The following TMEM132B variants were observed in gnomAD, a reference collection of about 807,000 sequenced individuals.
TMEM132B encodes transmembrane protein 132B.
A neutral mutation model predicts 90.8 loss-of-function variants in TMEM132B; 18 were observed. The ratio of observed to expected loss-of-function variants is 0.20; its 90% CI spans 0.14 to 0.29. The LOEUF (loss-of-function observed/expected upper bound fraction) is 0.29. Among genes scored for constraint, TMEM132B ranks in the 10% least tolerant of loss-of-function variants. The probability of loss-of-function intolerance (pLI) is 1.00; values close to 1 mark genes in which losing one functional copy is unlikely to be tolerated. For synonymous variants in TMEM132B, 504 were observed against 523.3 expected, an observed-to-expected ratio of 0.96 and a Z score of 0.50; for missense variants, 1,096 against 1,326.8, an observed-to-expected ratio of 0.83 and a Z score of 2.70.
intron 4 of TMEM132B, among the ~76,000 whole-genome samples, chr12:125,578,838 A>C (rs1884990081): frequency 6.6e-6 from 1 of 152,102 alleles, no homozygotes; most frequent in Non-Finnish European, 1.5e-5. Context: ...CTTGTATATA[A>C]TGAGGTATTT....
At chr12:125,510,893 T>G (rs188158282) in intron 3 of TMEM132B, among the ~76,000 whole-genome samples, 1 of 152,366 alleles carries the variant, frequency 6.6e-6, no homozygotes, top group East Asian at 1.9e-4. Flanking sequence ...TTCCTTCTAT[T>G]TAAAAACAAT....
chr12:125,550,810 C>A (rs1884209619), intron 4 of TMEM132B, among the ~76,000 whole-genome samples: 1 of 151,038 alleles, frequency 6.6e-6, no homozygotes, highest in Admixed American at 6.6e-5. Flanking sequence ...CGGAGTTTCA[C>A]TCTTGTTGCC....
intron 3 of TMEM132B, among the ~76,000 whole-genome samples, chr12:125,448,877 G>C (rs1881074754): frequency 6.6e-6 from 1 of 151,854 alleles, no homozygotes; most frequent in South Asian, 2.1e-4. Flanking sequence ...TAAGTATATA[G>C]GGGTATCTTA....
intron 1 of TMEM132B, among the ~76,000 whole-genome samples, chr12:125,265,161 G>T (rs1359152529): frequency 6.6e-6 from 1 of 152,136 alleles, no homozygotes; most frequent in Non-Finnish European, 1.5e-5. Flanking sequence ...AATTCACAGG[G>T]TATGCATGGT....
intron 3 of TMEM132B, among the ~76,000 whole-genome samples, chr12:125,454,419 T>A (rs1566041188): frequency 6.6e-6 from 1 of 150,990 alleles, no homozygotes; most frequent in East Asian, 2.0e-4. Flanking sequence ...TGTGTGTGTG[T>A]GACATTTCTG....
At chr12:125,328,230 G>A (rs549236904) in intron 1 of TMEM132B, among the ~76,000 whole-genome samples, 4 of 152,254 alleles carry the variant, frequency 2.6e-5, no homozygotes, top group East Asian at 1.9e-4. Context: ...AGTGGCCTCC[G>A]CCAGCCCTGA....
At chr12:125,446,711 C>A (rs1237136254) in intron 3 of TMEM132B, among the ~76,000 whole-genome samples, 1 of 152,182 alleles carries the variant, frequency 6.6e-6, no homozygotes, top group Non-Finnish European at 1.5e-5. Context: ...CAGTTCAAGT[C>A]ATATTCACTT....
At chr12:125,476,829 G>A (rs552606532) in intron 3 of TMEM132B, among the ~76,000 whole-genome samples, 1 of 152,298 alleles carries the variant, frequency 6.6e-6, no homozygotes, top group South Asian at 2.1e-4. Context: ...TGGCTCTCCT[G>A]GGAAGTAGGA....
intron 1 of TMEM132B, among the ~76,000 whole-genome samples, chr12:125,282,066 A>G (rs1875204970): frequency 7.9e-6 from 1 of 127,068 alleles, no homozygotes; most frequent in Admixed American, 8.1e-5. Flanking sequence ...AAAAAGAGAG[A>G]CTTTTGAAGC....
chr12:125,501,389 A>G (rs1198753643), intron 3 of TMEM132B, among the ~76,000 whole-genome samples: 1 of 152,226 alleles, frequency 6.6e-6, no homozygotes, highest in Non-Finnish European at 1.5e-5. Context: ...TTTAATTTTA[A>G]GTTCCAAGGT....
intron 2 of TMEM132B, among the ~76,000 whole-genome samples, chr12:125,369,061 C>T: frequency 6.6e-6 from 1 of 151,788 alleles, no homozygotes; most frequent in South Asian, 2.1e-4. Context: ...GTGATGTTCC[C>T]CACCCTGTGT....
At chr12:125,267,029 A>G (rs899565108) in intron 1 of TMEM132B, among the ~76,000 whole-genome samples, 1 of 152,174 alleles carries the variant, frequency 6.6e-6, no homozygotes, top group African/African-American at 2.4e-5. Flanking sequence ...AACACTTGGG[A>G]ATATGCTTCT....
chr12:125,540,069 G>T (rs546862682), intron 4 of TMEM132B, among the ~76,000 whole-genome samples: 227 of 151,754 alleles, frequency 1.5e-3, no homozygotes, highest in African/African-American at 5.1e-3. Flanking sequence ...TTTTTTCTTT[G>T]GTCCATAGGT....
chr12:125,355,985 T>C (rs964621400), intron 2 of TMEM132B, among the ~76,000 whole-genome samples: 5 of 151,438 alleles, frequency 3.3e-5, no homozygotes, highest in Admixed American at 6.6e-5. Flanking sequence ...GGTCATCAAG[T>C]GGGGTTTGGA....
At chr12:125,395,748 C>T (rs949726565) in intron 2 of TMEM132B, among the ~76,000 whole-genome samples, 1 of 152,132 alleles carries the variant, frequency 6.6e-6, no homozygotes, top group African/African-American at 2.4e-5. Context: ...TTGAAGAGTT[C>T]GAAGAGAGTC....
chr12:125,462,436 G>A (rs886371216), intron 3 of TMEM132B, among the ~76,000 whole-genome samples: 1 of 152,140 alleles, frequency 6.6e-6, no homozygotes. Context: ...AGTGAAGCTA[G>A]ACCATAAATA....
rs370871067 is a variant in TMEM132B, at chr12:125,190,532, GTGGTGA to G, written c.67+3686_67+3691del. Reference sequence around the variant, plus strand: ...GGGTGGTGATGGTGATGGGGAAGGGGTGGTGATGGTGATGGTGATGGTGATAGTGAT... The same window carrying G: ...GGGTGGTGATGGTGATGGGGAAGGGGTGGTGATGGTGATGGTGATAGTGAT... On this transcript the variant is annotated intron_variant, in intron 1 of 8. Transcript: ENST00000682704. Among the ~76,000 whole-genome samples, 89 of 132,482 alleles carry G rather than the reference GTGGTGA, an allele frequency of 6.7e-4. 2 individuals carry two copies. The highest frequency in any genetic ancestry group is 6.2e-4 in the Non-Finnish European group (39 of 62,898). 86.9% of individuals were successfully genotyped at this position (132,482 alleles called of 152,430 possible). A position where few individuals can be genotyped will look rare whatever the true frequency, so the allele number is the denominator to read the frequency against.
At chr12:125,361,217 G>T (rs1052618932) in intron 2 of TMEM132B, among the ~76,000 whole-genome samples, 1 of 151,908 alleles carries the variant, frequency 6.6e-6, no homozygotes, top group Non-Finnish European at 1.5e-5. Flanking sequence ...TCTTATGTAC[G>T]TTGTCATCAC....
At chr12:125,503,039 G>T (rs1329040331) in intron 3 of TMEM132B, among the ~76,000 whole-genome samples, 1 of 152,210 alleles carries the variant, frequency 6.6e-6, no homozygotes, top group Non-Finnish European at 1.5e-5. Flanking sequence ...TGCGGTCCCA[G>T]ACTCCTGGGA....
Sources: gnomAD v4.1 joint callset for allele counts (sites outside exome capture counted in the v4.1 genomes callset) on GRCh38, gnomAD v4.1.1 for gene constraint, MANE v1.5 for transcripts, NCBI Gene and HGNC (gene_info 2026-07-23, HGNC 2026-07-21) for gene names.